NCOA1: variants seen among roughly 807,000 people sequenced by gnomAD.
The protein encoded by NCOA1 is nuclear receptor coactivator 1.
NCOA1 carries 35 observed loss-of-function variants against 150.9 expected under a neutral mutation model. The observed-to-expected ratio is 0.23, with a 90% CI of 0.18 to 0.31. The LOEUF (loss-of-function observed/expected upper bound fraction) is 0.31, where lower values mean the gene tolerates loss of function less well. NCOA1 is among the 10% of genes least tolerant of loss of function. The pLI is 1.00. For synonymous variants in NCOA1, 590 were observed against 630.0 expected (o/e 0.94, Z 0.95); for missense variants, 1,491 against 1,749.3 (o/e 0.85, Z 2.63).
In NCOA1 at chr2:24,491,340, T is replaced by C. The variant is rs1662944088; in HGVS notation, c.-658T>C. Among the ~76,000 whole-genome samples, 1 of 147,656 alleles carries C rather than the reference T, an allele frequency of 6.8e-6. No individual in the cohort carries two copies. Among genetic ancestry groups the C allele is most frequent in the East Asian group, 2.0e-4 (1 of 5,064 alleles). ...TCTTCAGGCCGGGCGAGCGGGAGTC[T>C]GACGCGATTTGCTGAGCTCTGTCCT... On this transcript the variant is annotated 5_prime_UTR_variant, in exon 1 of 23. An upstream open reading frame in the 5' UTR loses its in-frame stop. Transcript: ENST00000348332.
intron 17 of NCOA1, among the ~76,000 whole-genome samples, chr2:24,730,117 T>G (rs1662921681): frequency 6.6e-6 from 1 of 152,352 alleles, no homozygotes; most frequent in African/African-American, 2.4e-5. Context: ...GTGCTGGGAT[T>G]ACAGGCGTGA....
intron 3 of NCOA1, among the ~76,000 whole-genome samples, chr2:24,629,683 A>G (rs1410357000): frequency 2.0e-5 from 3 of 150,516 alleles, no homozygotes; most frequent in Non-Finnish European, 4.4e-5. Context: ...ATGATGCCGC[A>G]ATCATTTGTT....
At chr2:24,565,833 C>T (rs568995002) in intron 2 of NCOA1, among the ~76,000 whole-genome samples, 5 of 152,234 alleles carry the variant, frequency 3.3e-5, no homozygotes, top group South Asian at 2.1e-4. Flanking sequence ...GGCGCTCACT[C>T]CCTGCAAGCT....
At chr2:24,613,214 G>C (rs1668710133) in intron 3 of NCOA1, among the ~76,000 whole-genome samples, 1 of 152,108 alleles carries the variant, frequency 6.6e-6, no homozygotes, top group African/African-American at 2.4e-5. Flanking sequence ...TTGGGCTGTA[G>C]GGTTCAACCT....
chr2:24,582,662 G>A (rs1667243330), intron 2 of NCOA1, among the ~76,000 whole-genome samples: 1 of 152,052 alleles, frequency 6.6e-6, no homozygotes, highest in South Asian at 2.1e-4. Context: ...TTCCTGAGGG[G>A]TGGGAGAGGA....
chr2:24,563,936 C>T (rs2148260236), intron 1 of NCOA1, among the ~76,000 whole-genome samples: 1 of 152,256 alleles, frequency 6.6e-6, no homozygotes, highest in East Asian at 1.9e-4. Context: ...TTTCCTTTTA[C>T]TGTTCCACTT....
intron 3 of NCOA1, among the ~76,000 whole-genome samples, chr2:24,588,049 G>A (rs146336146): frequency 4.6e-5 from 7 of 152,064 alleles, no homozygotes; most frequent in Non-Finnish European, 8.8e-5. Flanking sequence ...TTGGCTTCCC[G>A]CTTGCTGTGG....
intron 13 of NCOA1, 38 bp downstream of exon 13, chr2:24,707,926 G>A (rs1228182742): frequency 6.5e-7 from 1 of 1,542,806 alleles, no homozygotes; most frequent in African/African-American, 1.4e-5. Context: ...GTCATTCTTA[G>A]TAATTTTTTT....
chr2:24,614,199 C>CTTTTTTTT lies in NCOA1; in HGVS notation c.-175+29664_-175+29671dup, dbSNP rs869113477. ...CCTATTGTATCGATTCATTTCCATT[C>CTTTTTTTT]TTTTTTTTTTTTTTTTTTTTTTTTT... On this transcript the variant is annotated intron_variant, in intron 3 of 22. Transcript: ENST00000348332. Among the ~76,000 whole-genome samples the CTTTTTTTT allele has an allele frequency of 6.5e-3, 60 of 9,174 alleles. 20 individuals carry two copies. The highest frequency in any genetic ancestry group is 9.0e-3 in the African/African-American group (22 of 2,450). 6.0% of individuals were successfully genotyped at this position (9,174 alleles called of 152,430 possible). A position where few individuals can be genotyped will look rare whatever the true frequency, so the allele number is the denominator to read the frequency against.
intron 4 of NCOA1, among the ~76,000 whole-genome samples, chr2:24,654,291 A>G (rs1162922404): frequency 6.6e-6 from 1 of 152,204 alleles, no homozygotes; most frequent in South Asian, 2.1e-4. Flanking sequence ...GCAAAGGCCA[A>G]CTAGGCTTCT....
At chr2:24,642,810 G>A (rs959133895) in intron 3 of NCOA1, among the ~76,000 whole-genome samples, 1 of 152,162 alleles carries the variant, frequency 6.6e-6, no homozygotes, top group Non-Finnish European at 1.5e-5. Flanking sequence ...CTATTGATAC[G>A]TGCACCAAAC....
intron 3 of NCOA1, among the ~76,000 whole-genome samples, chr2:24,593,593 A>C (rs182657590): frequency 8.5e-5 from 13 of 152,284 alleles, no homozygotes; most frequent in Admixed American, 7.8e-4. Flanking sequence ...TCGTATACTT[A>C]CATAAATGTG....
chr2:24,707,422 A>T lies in NCOA1; in HGVS notation c.1952A>T (p.Asp651Val), dbSNP rs748986369. ...CAGCAGTTACGGCATGCTGATATAG[A>T]CACAAGCTGCAAAGATGTCCTGTCT... ...AEQQLRHADI[D>V]TSCKDVLSCT... The change falls in exon 13 of 23, where the codon GAC becomes GTC. Residue 651 changes from aspartate to valine, a missense_variant. Physicochemically the swap from Asp to Val is radical, Grantham distance 152. Coordinates refer to ENST00000348332, the MANE Select transcript of NCOA1 (RefSeq NM_003743.5). 2 of 1,614,098 alleles carry T rather than the reference A, an allele frequency of 1.2e-6. No homozygotes were observed. Among genetic ancestry groups the T allele is most frequent in the African/African-American group, 2.7e-5 (2 of 74,936 alleles).
At chr2:24,642,037 T>TGTGTGTGTGTGTGCGCGCGC (rs942145000) in intron 3 of NCOA1, among the ~76,000 whole-genome samples, 25 of 138,450 alleles carry the variant, frequency 1.8e-4, no homozygotes, top group African/African-American at 5.4e-4. Flanking sequence ...TGTGTGTGTG[T>TGTGTGTGTGTGTGCGCGCGC]GCGCGCGTGC....
intron 19 of NCOA1, among the ~76,000 whole-genome samples, chr2:24,746,136 T>TGC (rs1206992246): frequency 3.9e-5 from 6 of 152,274 alleles, no homozygotes; most frequent in Non-Finnish European, 7.3e-5. Flanking sequence ...AGTGAATAGA[T>TGC]GCTTAATGAA....
At chr2:24,644,327 G>A (rs75060332) in intron 4 of NCOA1, among the ~76,000 whole-genome samples, 3,793 of 152,260 alleles carry the variant, frequency 0.025, 76 homozygotes, top group Non-Finnish European at 0.037. Context: ...TTTAGTGTAT[G>A]TCGAAATCAC....
chr2:24,581,057 T>G (rs1667174801), intron 2 of NCOA1, among the ~76,000 whole-genome samples: 1 of 152,192 alleles, frequency 6.6e-6, no homozygotes, highest in African/African-American at 2.4e-5. Context: ...TTACTGCTGG[T>G]CATGGATGGG....
chr2:24,757,954 A>T lies in NCOA1; in HGVS notation c.3882-19A>T, dbSNP rs185208494. 5 of 1,611,266 alleles carry T rather than the reference A, an allele frequency of 3.1e-6. No individual in the cohort carries two copies. In the East Asian group the frequency reaches 8.9e-5, roughly 29 times the overall value. ...TTCATGATCAGTGGATGTAATCTGG[A>T]TTGTTTTTGAGTTTACAGTGTGTTC... is the stretch of plus-strand genomic sequence containing the variant. On this transcript the variant is annotated intron_variant, in intron 20 of 22. Coordinates refer to ENST00000348332, the MANE Select transcript of NCOA1 (RefSeq NM_003743.5).
At chr2:24,558,242 G>A (rs1666158512) in intron 1 of NCOA1, among the ~76,000 whole-genome samples, 1 of 152,086 alleles carries the variant, frequency 6.6e-6, no homozygotes, top group African/African-American at 2.4e-5. Context: ...CCAGGCTACT[G>A]TTGAGCCAGT....
Sources: gnomAD v4.1 joint callset for allele counts (sites outside exome capture counted in the v4.1 genomes callset) on GRCh38, gnomAD v4.1.1 for gene constraint, MANE v1.5 for transcripts, NCBI Gene and HGNC (gene_info 2026-07-23, HGNC 2026-07-21) for gene names.